The following ATP12A variants were observed in gnomAD, a reference collection of about 807,000 sequenced individuals.
ATP12A encodes the protein potassium-transporting ATPase alpha chain 2.
Under a neutral mutation model 111.2 loss-of-function variants are expected in ATP12A, and 81 were observed. That is an observed-to-expected ratio of 0.73 (90% CI 0.61 to 0.88). ATP12A has a LOEUF of 0.88. Among genes scored for constraint, ATP12A ranks in the 40% least tolerant of loss-of-function variants. ATP12A has a pLI of 0.00. For missense variants in ATP12A, 1,196 were observed against 1,313.1 expected (o/e 0.91, Z 1.38); for synonymous variants, 498 against 499.8 (o/e 1.00, Z 0.05).
chr13:24,692,644 G>A lies in ATP12A; in HGVS notation c.1267+17G>A. The A allele has an allele frequency of 1.9e-6, 3 of 1,606,992 alleles. No homozygotes were observed. Among genetic ancestry groups the A allele is most frequent in the Non-Finnish European group, 2.6e-6 (3 of 1,174,698 alleles). On this transcript the variant is annotated intron_variant, in intron 9 of 22. Transcript: ENST00000381946. ...ACCATTCAAGTAAGTCTTATGGAGA[G>A]CTCGGTCTGGCCAAAGCTGTGGACT...
intron 11 of ATP12A, among the ~76,000 whole-genome samples, chr13:24,697,216 T>C (rs567398029): frequency 6.6e-6 from 1 of 152,294 alleles, no homozygotes; most frequent in East Asian, 1.9e-4. Flanking sequence ...ATAATAATAG[T>C]ACCCATGGCC....
Position 24,690,445 on chromosome 13 carries a change from C to G in ATP12A, c.654C>G (p.Ile218Met). Residue 218 changes from isoleucine to methionine, a missense_variant, in exon 6 of 23, where the codon ATC (isoleucine) becomes ATG (methionine). Ile to Met is a conservative substitution (Grantham distance 10). Transcript: ENST00000381946. ...VKGGDQIPAD[I>M]RVLSSQGCRV... ...GAGGAGACCAGATCCCTGCAGACAT[C>G]AGGGTGCTGTCTTCTCAGGGGTGTC... 1 of 1,613,768 alleles carries G rather than the reference C, an allele frequency of 6.2e-7. No homozygotes were observed. Among genetic ancestry groups the G allele is most frequent in the Non-Finnish European group, 8.5e-7 (1 of 1,179,936 alleles).
intron 3 of ATP12A, among the ~76,000 whole-genome samples, chr13:24,687,442 C>T (rs977374107): frequency 6.6e-6 from 1 of 150,502 alleles, no homozygotes; most frequent in East Asian, 2.0e-4. Context: ...CCAGCTTGGG[C>T]AACAGAGCGA....
chr13:24,701,716 C>T (rs939776469), intron 13 of ATP12A, among the ~76,000 whole-genome samples: 14 of 152,170 alleles, frequency 9.2e-5, no homozygotes, highest in African/African-American at 3.4e-4. Flanking sequence ...GGCTTCCTTT[C>T]ATGTCAGAGG....
chr13:24,685,427 G>GAAGGC lies in ATP12A; in HGVS notation c.228+55_228+59dup. ...GAGAAGCCTCCCAACTCTACAGAGG[G>GAAGGC]AAGGCTGTGTGTGGCGGGGGGCTGT... is the stretch of plus-strand genomic sequence containing the variant. On this transcript the variant is annotated intron_variant, in intron 3 of 22. Coordinates refer to ENST00000381946, the MANE Select transcript of ATP12A (RefSeq NM_001676.7). This position sits in a 1 kb window ranked among gnomAD's most constrained non-coding sequence, Gnocchi z 5.5. 1 of 1,580,694 alleles carries GAAGGC rather than the reference G, an allele frequency of 6.3e-7. No homozygotes were observed. The highest frequency in any genetic ancestry group is 1.3e-5 in the African/African-American group (1 of 74,304).
intron 17 of ATP12A, among the ~76,000 whole-genome samples, chr13:24,708,900 GGAAAGAAAGAAA>G (rs764913574): frequency 0.025 from 1,638 of 65,162 alleles, 22 homozygotes; most frequent in Admixed American, 0.029. Flanking sequence ...AAGAAAGAAA[GGAAAGAAAGAAA>G]GAAAGAAAGA....
rs569876798 is a variant in ATP12A at position 24,697,300 on chromosome 13, A to G, written c.1513-1358A>G. On this transcript the variant is annotated intron_variant, in intron 11 of 22. Transcript: ENST00000381946. ...CAGTGCCTGGCACGTGGTACATACC[A>G]TAAAAGTGTTTCATATTATCCCTAT... Among the ~76,000 whole-genome samples, 19 of 152,318 alleles carry G rather than the reference A, an allele frequency of 1.2e-4. 1 individual carries two copies. In the East Asian group the frequency reaches 3.7e-3, roughly 29 times the overall value.
In ATP12A at chr13:24,690,425, G is replaced by A. The variant is rs921012017; in HGVS notation, c.634G>A (p.Asp212Asn). 3 of 1,613,766 alleles carry A rather than the reference G, an allele frequency of 1.9e-6. No homozygotes were observed. Among genetic ancestry groups the A allele is most frequent in the Middle Eastern group, 1.6e-4 (1 of 6,062 alleles). Residue 212 changes from aspartate (D) to asparagine (N), a missense_variant, in exon 6 of 23, where the codon GAC becomes AAC. Asp to Asn is a conservative substitution (Grantham distance 23, BLOSUM62 1). Transcript: ENST00000381946. ...GGACATTGTGGAGGTCAAAGGAGGA[G>A]ACCAGATCCCTGCAGACATCAGGGT... ...VGDIVEVKGG[D>N]QIPADIRVLS...
chr13:24,681,788 C>A (rs1874445520), intron 2 of ATP12A, 68 bp downstream of exon 2: 1 of 1,576,812 alleles, frequency 6.3e-7, no homozygotes, highest in African/African-American at 1.4e-5. Flanking sequence ...GCCCCTAGAA[C>A]CCACCTCTTA....
chr13:24,709,299 CCT>C, intron 17 of ATP12A, 63 bp from the exon 18 acceptor site: 1 of 1,252,666 alleles, frequency 8.0e-7, no homozygotes, highest in Non-Finnish European at 1.1e-6. Flanking sequence ...CCCCAGCCCC[CCT>C]CCCCTACTGT....
chr13:24,683,548 A>T (rs1460719047), intron 2 of ATP12A, among the ~76,000 whole-genome samples: 1 of 152,184 alleles, frequency 6.6e-6, no homozygotes, highest in African/African-American at 2.4e-5. Flanking sequence ...CTTTGTATTG[A>T]TCGTTCCTGG....
chr13:24,682,959 C>CTTTTTTTTTTTTTTTTTTTTTTTT (rs34361489), intron 2 of ATP12A, among the ~76,000 whole-genome samples: 2 of 139,038 alleles, frequency 1.4e-5, no homozygotes, highest in African/African-American at 2.7e-5. Context: ...TAAAACTAGC[C>CTTTTTTTTTTTTTTTTTTTTTTTT]TTTTTTTTTT....
chr13:24,685,773 A>G lies in ATP12A; in HGVS notation c.228+400A>G, dbSNP rs1256307162. 2.6e-5 allele frequency among the ~76,000 whole-genome samples: 4 copies of G among 152,232 alleles called. No homozygotes were observed. Among genetic ancestry groups the G allele is most frequent in the Non-Finnish European group, 4.4e-5 (3 of 68,048 alleles). ...CAGAGCCAGCTCTCGGGCTGCTGCC[A>G]TGTTTGCGCTGGGACTCAAAATGCT... On this transcript the variant is annotated intron_variant, in intron 3 of 22. Transcript: ENST00000381946. The surrounding 1 kb of genome is among the most constrained non-coding windows in gnomAD (Gnocchi z 5.5).
intron 4 of ATP12A, among the ~76,000 whole-genome samples, 163 bp downstream of exon 4, chr13:24,688,685 G>A (rs777824972): frequency 2.6e-5 from 4 of 152,208 alleles, no homozygotes; most frequent in Non-Finnish European, 5.9e-5. Flanking sequence ...TCTTCTAGAG[G>A]CAGTGTGGGC....
At chr13:24,711,204 G>A in intron 21 of ATP12A, 114 bp from the exon 22 acceptor site, 5 of 1,013,840 alleles carry the variant, frequency 4.9e-6, no homozygotes, top group Non-Finnish European at 5.8e-6. Flanking sequence ...TCGTGGATTT[G>A]TCGTTCTTTG....
At position 24,702,046 on chromosome 13, in the gene ATP12A, A is replaced by T. The variant is rs531248710; in HGVS notation, c.1993A>T (p.Ile665Phe). ...GGAAGACATTGCACATCGCCTCAAC[A>T]TTGCTGTGGAGCAAGTTAACAAACG... Reference protein sequence around the residue: ...TVEDIAHRLNIAVEQVNKRDA... With the variant: ...TVEDIAHRLNFAVEQVNKRDA... Residue 665 changes from isoleucine to phenylalanine, a missense_variant, in exon 14 of 23, where the codon ATT becomes TTT. This residue lies in a region of ATP12A where 1,126 missense variants were observed against 1,228.5 expected (regional missense o/e 0.92). Coordinates refer to ENST00000381946, the MANE Select transcript of ATP12A (RefSeq NM_001676.7). The T allele has an allele frequency of 6.2e-7, 1 of 1,614,234 alleles. No individual in the cohort carries two copies. Among genetic ancestry groups the T allele is most frequent in the Admixed American group, 1.7e-5 (1 of 60,036 alleles).
intron 17 of ATP12A, among the ~76,000 whole-genome samples, chr13:24,708,962 A>AG: frequency 1.0e-5 from 1 of 97,540 alleles, no homozygotes; most frequent in Non-Finnish European, 2.4e-5. Flanking sequence ...AGAAAGAAAG[A>AG]AGGAAAGAGA....
chr13:24,705,710 C>A (rs1723199001), intron 14 of ATP12A, among the ~76,000 whole-genome samples: 1 of 152,162 alleles, frequency 6.6e-6, no homozygotes, highest in Non-Finnish European at 1.5e-5. Context: ...CACTTTGTCA[C>A]CCAGGCTTGA....
chr13:24,704,529 T>C (rs1875533944), intron 14 of ATP12A: 1 of 155,668 alleles, frequency 6.4e-6, no homozygotes, highest in Non-Finnish European at 1.4e-5. Context: ...CTGTTCAGTA[T>C]AGGTGGCACA....
Sources: gnomAD v4.1 joint callset for allele counts (sites outside exome capture counted in the v4.1 genomes callset) on GRCh38, gnomAD v4.1.1 for gene constraint, gnomAD v4.1.1 regional missense constraint, Gnocchi (gnomAD v3.1) non-coding constraint, MANE v1.5 for transcripts, NCBI Gene and HGNC (gene_info 2026-07-23, HGNC 2026-07-21) for gene names.